The following FAM13B variants were observed in gnomAD, a reference collection of about 807,000 sequenced individuals.
FAM13B encodes the protein protein FAM13B.
In FAM13B, 60 loss-of-function variants were observed where a neutral mutation model predicts 117.3. That is an observed-to-expected ratio of 0.51 (90% confidence interval 0.42 to 0.63). The LOEUF is 0.63. Among genes scored for constraint, FAM13B ranks in the 30% least tolerant of loss-of-function variants. FAM13B has a pLI of 0.00. For synonymous variants in FAM13B, 332 were observed against 356.1 expected (o/e 0.93, Z 0.76); for missense variants, 972 against 1,091.9 (o/e 0.89, Z 1.55).
At chr5:138,003,583 C>A (rs1314673998) in intron 7 of FAM13B, among the ~76,000 whole-genome samples, 17 of 152,196 alleles carry the variant, frequency 1.1e-4, no homozygotes, top group Non-Finnish European at 4.4e-5. Context: ...CCTACCCCAA[C>A]ATTTTGGTAA....
chr5:138,037,350 GCCTCTCAGAAGT>G (rs1412203231), upstream of FAM13B: 1 of 151,694 alleles, frequency 6.6e-6, no homozygotes, highest in African/African-American at 2.4e-5. Context: ...GAGGCATTAT[GCCTCTCAGAAGT>G]AAGGTCATGA....
Position 137,985,286 on chromosome 5 carries a change from A to G in FAM13B, c.1150T>C (p.Cys384Arg), listed in dbSNP as rs762801743. 1 of 1,613,844 alleles carries G rather than the reference A, an allele frequency of 6.2e-7. No individual in the cohort carries two copies. Among genetic ancestry groups the G allele is most frequent in the Non-Finnish European group, 8.5e-7 (1 of 1,179,956 alleles). The change falls in exon 10 of 24, where the codon TGT becomes CGT. Residue 384 changes from cysteine (C) to arginine (R), a missense_variant. By Grantham distance (180) the Cys-to-Arg change is radical. Transcript: ENST00000689681. ...GTATTTTCTTCATTCTCAAATACAC[A>G]ATCTTGCTGCATAGCTTCATTGTCT... ...NLDNEAMQQD[C>R]VFENEENTQS...
intron 22 of FAM13B, 47 bp downstream of exon 22, chr5:137,942,828 A>G (rs1164097207): frequency 2.0e-6 from 3 of 1,533,676 alleles, no homozygotes; most frequent in Non-Finnish European, 2.6e-6. Flanking sequence ...CTTGGCATAT[A>G]CATTTTATTA....
At chr5:137,992,139 AGAGCTCAAGT>A (rs1165979463) in intron 7 of FAM13B, among the ~76,000 whole-genome samples, 8 of 151,978 alleles carry the variant, frequency 5.3e-5, no homozygotes, top group Admixed American at 3.9e-4. Context: ...CTCAAACTCC[AGAGCTCAAGT>A]GATCCTCCCG....
intron 6 of FAM13B, among the ~76,000 whole-genome samples, chr5:138,009,987 T>G (rs1783570688): frequency 6.6e-6 from 1 of 152,010 alleles, no homozygotes; most frequent in African/African-American, 2.4e-5. Context: ...ACATTTTTGT[T>G]TGTTTGTTTT....
intron 1 of FAM13B, among the ~76,000 whole-genome samples, chr5:138,045,331 C>T (rs1231112973): frequency 3.3e-5 from 5 of 151,114 alleles, no homozygotes; most frequent in Admixed American, 6.6e-5. Context: ...CTCAGGAGTT[C>T]GAGACAAGCC....
intron 1 of FAM13B, among the ~76,000 whole-genome samples, chr5:138,031,232 T>TA (rs34590720): frequency 0.025 from 3,848 of 152,030 alleles, 85 homozygotes; most frequent in African/African-American, 0.055. Context: ...GACATTCTAA[T>TA]AAAAAAAACT....
chr5:137,973,306 A>G (rs1165674355), intron 10 of FAM13B, among the ~76,000 whole-genome samples: 1 of 152,172 alleles, frequency 6.6e-6, no homozygotes, highest in Non-Finnish European at 1.5e-5. Context: ...ATAATGCTGC[A>G]TATCTACAAC....
At chr5:137,946,900 G>A (rs986126359) in intron 18 of FAM13B, among the ~76,000 whole-genome samples, 2 of 152,134 alleles carry the variant, frequency 1.3e-5, no homozygotes, top group African/African-American at 2.4e-5. Context: ...GCTCAACAAT[G>A]TCCATTTGTG....
chr5:137,960,894 A>G (rs1184243316), intron 11 of FAM13B, among the ~76,000 whole-genome samples: 1 of 152,204 alleles, frequency 6.6e-6, no homozygotes, highest in East Asian at 1.9e-4. Flanking sequence ...TATACAGTAG[A>G]TTATCAATAT....
chr5:138,030,690 G>A (rs962660191), intron 1 of FAM13B, among the ~76,000 whole-genome samples: 4 of 151,300 alleles, frequency 2.6e-5, no homozygotes, highest in African/African-American at 4.9e-5. Flanking sequence ...CTTCAGCCTG[G>A]GCAACAAGAA....
chr5:137,951,641 A>G (rs1431321656), intron 17 of FAM13B, among the ~76,000 whole-genome samples: 1 of 152,158 alleles, frequency 6.6e-6, no homozygotes, highest in Non-Finnish European at 1.5e-5. Flanking sequence ...CCTCGATGAC[A>G]GAGCAAGATT....
Position 137,956,730 on chromosome 5 carries a change from T to C in FAM13B, c.1442-188A>G, listed in dbSNP as rs919033893. On this transcript the variant is annotated intron_variant, in intron 13 of 23. Transcript: ENST00000689681. Reference sequence around the variant, plus strand: ...GATTTTAACAAACACAAACATAACATTTCCATTTCAGCAAGCAATGCAAAA... The same window carrying C: ...GATTTTAACAAACACAAACATAACACTTCCATTTCAGCAAGCAATGCAAAA... Among the ~76,000 whole-genome samples the C allele has an allele frequency of 2.7e-5, 4 of 148,690 alleles. No homozygotes were observed. In the South Asian group the frequency reaches 8.5e-4, roughly 32 times the overall value.
chr5:138,032,977 G>A lies in FAM13B; in HGVS notation c.-398C>T, dbSNP rs1258243391. The A allele has an allele frequency of 1.0e-6, 1 of 986,536 alleles. No individual in the cohort carries two copies. The highest frequency in any genetic ancestry group is 1.2e-6 in the Non-Finnish European group (1 of 830,754). The allele number at this position is 986,536 out of a possible 1,614,324, so 61.1% of individuals were successfully genotyped here. ...GGTAAGCGACCCCCCGGATACCCCCGGCGGTGGTGGCGACGCAGACGCGGA... is the reference window on the plus strand; with the variant it reads ...GGTAAGCGACCCCCCGGATACCCCCAGCGGTGGTGGCGACGCAGACGCGGA... On this transcript the variant is annotated 5_prime_UTR_variant, in exon 1 of 24. Coordinates refer to ENST00000689681, the MANE Select transcript of FAM13B (RefSeq NM_001385994.1).
intron 1 of FAM13B, among the ~76,000 whole-genome samples, chr5:138,032,441 G>A (rs1427144703): frequency 1.3e-5 from 2 of 152,200 alleles, no homozygotes; most frequent in Admixed American, 1.3e-4. Flanking sequence ...AGCGCCAGCG[G>A]GCAGGAGAGG....
At chr5:138,031,452 C>A (rs1789980021) in intron 1 of FAM13B, among the ~76,000 whole-genome samples, 1 of 152,144 alleles carries the variant, frequency 6.6e-6, no homozygotes, top group African/African-American at 2.4e-5. Flanking sequence ...CTCTGGGAGG[C>A]TGAGGCAGGC....
chr5:137,950,495 G>A (rs1193696281), intron 17 of FAM13B, among the ~76,000 whole-genome samples: 1 of 152,144 alleles, frequency 6.6e-6, no homozygotes, highest in African/African-American at 2.4e-5. Flanking sequence ...TATTCTAGGT[G>A]GAAGCCCACT....
chr5:138,020,816 C>T (rs1454855148), intron 2 of FAM13B: 4 of 251,584 alleles, frequency 1.6e-5, no homozygotes, highest in Non-Finnish European at 3.0e-5. Flanking sequence ...GACTAGGAAA[C>T]AATGCAGCCA....
chr5:138,035,036 A>G (rs893587085), upstream of FAM13B, among the ~76,000 whole-genome samples: 1 of 40,210 alleles, frequency 2.5e-5, no homozygotes, highest in Non-Finnish European at 5.1e-5. Context: ...TTGGTGAGAC[A>G]AGGTCTTGCT....
Sources: allele counts gnomAD v4.1 joint callset (sites outside exome capture counted in the v4.1 genomes callset), GRCh38; gene constraint gnomAD v4.1.1; transcripts MANE v1.5; gene names NCBI Gene and HGNC (gene_info 2026-07-23, HGNC 2026-07-21).